Variants in GCN1 observed in about 807,000 individuals in gnomAD.
GCN1 encodes the protein stalled ribosome sensor GCN1.
A neutral mutation model predicts 288.4 loss-of-function variants in GCN1; 90 were observed. That is an observed-to-expected ratio of 0.31 (90% CI 0.26 to 0.37). The LOEUF (loss-of-function observed/expected upper bound fraction) is 0.37, where lower values mean the gene tolerates loss of function less well. Among genes scored for constraint, GCN1 ranks in the 10% least tolerant of loss-of-function variants. The probability of loss-of-function intolerance (pLI) is 1.00; values close to 1 mark genes in which losing one functional copy is unlikely to be tolerated. For missense variants in GCN1, 2,586 were observed against 3,419.9 expected, an observed-to-expected ratio of 0.76 and a Z score of 6.08; for synonymous variants, 1,386 against 1,420.2, an observed-to-expected ratio of 0.98 and a Z score of 0.54.
rs756388257 is a variant in GCN1 at position 120,142,572 on chromosome 12, T to C, written c.5764A>G (p.Ile1922Val). 1.2e-6 allele frequency: 2 copies of C among 1,613,958 alleles called. No individual in the cohort carries two copies. Among genetic ancestry groups the C allele is most frequent in the South Asian group, 2.2e-5 (2 of 91,060 alleles). The change falls in exon 44 of 58, where the codon ATC (isoleucine) becomes GTC (valine). Residue 1922 changes from isoleucine (I) to valine (V), a missense_variant. Transcript: ENST00000300648. This position sits in a 1 kb window ranked among gnomAD's most constrained non-coding sequence, Gnocchi z 4.9. The part of the protein sequence containing the change: ...VSNTPRTLRE[I>V]LPTLFGLLLG... Reference sequence around the variant, plus strand: ...AGGAGCCCAAAGAGAGTGGGTAGGATCTCACGCAAGGTGCGGGGGGTATTG... The same window carrying C: ...AGGAGCCCAAAGAGAGTGGGTAGGACCTCACGCAAGGTGCGGGGGGTATTG...
In GCN1 at chr12:120,174,165, A is replaced by T; in HGVS notation, c.1098T>A (p.Ile366=). 6.3e-7 allele frequency: 1 copy of T among 1,574,934 alleles called. No individual in the cohort carries two copies. Among genetic ancestry groups the T allele is most frequent in the Non-Finnish European group, 8.7e-7 (1 of 1,144,244 alleles). Residue 366 remains isoleucine, a synonymous_variant, in exon 13 of 58, where the codon ATT becomes ATA. Coordinates refer to ENST00000300648, the MANE Select transcript of GCN1 (RefSeq NM_006836.2). ...ACACCACGTGATGACTGACGCTCCC[A>T]ATCCCTAAAAGGCAGATTCCCTGTT... ...VAQKMSVLSG[I]GSVSHHVVSG...
chr12:120,175,683 C>T, intron 11 of GCN1, 63 bp downstream of exon 11: 1 of 1,535,912 alleles, frequency 6.5e-7, no homozygotes, highest in Middle Eastern at 1.7e-4. Context: ...CTTCAGATCC[C>T]AGTTGAGGGA....
intron 2 of GCN1, 69 bp downstream of exon 2, chr12:120,190,229 A>G (rs1464595650): frequency 2.1e-5 from 17 of 802,494 alleles, no homozygotes; most frequent in Non-Finnish European, 3.3e-5. Flanking sequence ...TGTCTCAAAA[A>G]AAAAAAAAAA....
Position 120,177,755 on chromosome 12 carries a change from A to G in GCN1, c.661-3T>C. 3.1e-6 allele frequency: 5 copies of G among 1,606,532 alleles called. No homozygotes were observed. Among genetic ancestry groups the G allele is most frequent in the African/African-American group, 1.3e-5 (1 of 74,908 alleles). ...ATGTAAAAGTCCAGTAGGGCGCTCTAGAGAACACAAAGCTCTGGTTAGATC... is the reference window on the plus strand; with the variant it reads ...ATGTAAAAGTCCAGTAGGGCGCTCTGGAGAACACAAAGCTCTGGTTAGATC... On this transcript the variant is annotated splice_polypyrimidine_tract_variant and splice_region_variant and intron_variant, in intron 7 of 57. Transcript: ENST00000300648.
chr12:120,129,527 A>G (rs753735438), intron 56 of GCN1, 33 bp from the exon 57 acceptor site: 1 of 1,497,738 alleles, frequency 6.7e-7, no homozygotes, highest in Non-Finnish European at 9.3e-7. Context: ...GCTTTTGGAT[A>G]GGCATGTCAT....
At chr12:120,146,908 A>G in intron 38 of GCN1, 144 bp downstream of exon 38, 1 of 491,186 alleles carries the variant, frequency 2.0e-6, no homozygotes. Flanking sequence ...GATTTCCACC[A>G]CAAAATGGCT....
chr12:120,147,198 C>G lies in GCN1; in HGVS notation c.4801G>C (p.Asp1601His), dbSNP rs540818691. ...KTQKCLQTLL[D>H]TKFVHFIDAP... ...TCAATGAAGTGGACAAACTTGGTGT[C>G]CAGCAGGGTCTGCAAGCACTTCTGG... Residue 1601 changes from aspartate (D) to histidine (H), a missense_variant, in exon 38 of 58, where the codon GAC becomes CAC. Asp to His is a moderately conservative substitution (Grantham distance 81, BLOSUM62 -1). Around this residue, in one of 8 missense-constraint regions of GCN1, gnomAD observed 371 missense variants for 572.6 expected, o/e 0.65. Transcript: ENST00000300648. 5.6e-6 allele frequency: 9 copies of G among 1,613,170 alleles called. No homozygotes were observed. In the East Asian group the frequency reaches 1.8e-4, roughly 32 times the overall value.
chr12:120,134,552 T>G lies in GCN1; in HGVS notation c.7183A>C (p.Met2395Leu). 1.9e-6 allele frequency: 3 copies of G among 1,613,954 alleles called. No individual in the cohort carries two copies. Among genetic ancestry groups the G allele is most frequent in the Non-Finnish European group, 2.5e-6 (3 of 1,179,852 alleles). ...FTELLNGIRA[M>L]EDPGVRDTML... is the part of the protein sequence containing the mutation. ...CCGTACCTGACACCTGGGTCCTCCA[T>G]GGCGCGGATGCCATTGAGCAGCTCT... The change falls in exon 52 of 58, where the codon ATG becomes CTG. Residue 2395 changes from methionine to leucine, a missense_variant. By Grantham distance (15) the Met-to-Leu change is conservative. Coordinates refer to ENST00000300648, the MANE Select transcript of GCN1 (RefSeq NM_006836.2). This position sits in a 1 kb window ranked among gnomAD's most constrained non-coding sequence, Gnocchi z 5.0.
chr12:120,145,419 G>C (rs1877333649), intron 38 of GCN1, 89 bp from the exon 39 acceptor site: 8 of 1,007,938 alleles, frequency 7.9e-6, no homozygotes, highest in Non-Finnish European at 9.9e-6. Flanking sequence ...TCCCCATTCT[G>C]CTGGCAAGGA....
chr12:120,141,585 A>ACTGCTCCTCC (rs1877198616), intron 44 of GCN1, among the ~76,000 whole-genome samples: 1 of 152,096 alleles, frequency 6.6e-6, no homozygotes, highest in South Asian at 2.1e-4. Flanking sequence ...CTCATGCCGC[A>ACTGCTCCTCC]CTGCTCCTCC....
chr12:120,143,641 C>T (rs1877270038), intron 42 of GCN1, among the ~76,000 whole-genome samples: 1 of 151,860 alleles, frequency 6.6e-6, no homozygotes, highest in East Asian at 1.9e-4. Flanking sequence ...TTAAATCAAC[C>T]TCCAATTTTT....
intron 26 of GCN1, 129 bp downstream of exon 26, chr12:120,157,720 G>C: frequency 2.7e-6 from 2 of 736,872 alleles, no homozygotes; most frequent in Non-Finnish European, 2.2e-6. Flanking sequence ...ACTGTGTGAG[G>C]CTGCTGTTGG....
intron 14 of GCN1, among the ~76,000 whole-genome samples, chr12:120,172,912 A>C (rs1878355319): frequency 6.6e-6 from 1 of 152,144 alleles, no homozygotes; most frequent in Non-Finnish European, 1.5e-5. Context: ...TAGCTTGGAG[A>C]CCAAGCTCCT....
chr12:120,168,488 G>A (rs1042020274), intron 15 of GCN1, 188 bp from the exon 16 acceptor site: 11 of 534,738 alleles, frequency 2.1e-5, no homozygotes, highest in African/African-American at 3.9e-5. Context: ...GAAACTCTTC[G>A]GTGGCTCTCT....
chr12:120,164,183 T>A (rs1430784459), intron 18 of GCN1, among the ~76,000 whole-genome samples, 153 bp downstream of exon 18: 1 of 152,152 alleles, frequency 6.6e-6, no homozygotes, highest in Non-Finnish European at 1.5e-5. Flanking sequence ...CTATGAAAGA[T>A]GTTACTGGAG....
At position 120,144,394 on chromosome 12, in the gene GCN1, G is replaced by T. The variant is rs200720150; in HGVS notation, c.5407C>A (p.Arg1803=). ...VRDTALRAGQ[R]VISMYAETAI... ...GTCTCAGCGTACATGGAGATAACCC[G>T]CTGGCCCGCGCGCAGGGCGGTGTCA... The change falls in exon 42 of 58, where the codon CGG becomes AGG. Residue 1803 remains arginine, a synonymous_variant. Coordinates refer to ENST00000300648, the MANE Select transcript of GCN1 (RefSeq NM_006836.2). The surrounding 1 kb of genome is among the most constrained non-coding windows in gnomAD (Gnocchi z 4.7). The T allele has an allele frequency of 6.2e-7, 1 of 1,614,144 alleles. No homozygotes were observed. Among genetic ancestry groups the T allele is most frequent in the Non-Finnish European group, 8.5e-7 (1 of 1,179,938 alleles).
intron 37 of GCN1, among the ~76,000 whole-genome samples, 184 bp downstream of exon 37, chr12:120,147,983 T>C (rs1475042347): frequency 1.3e-5 from 2 of 152,330 alleles, no homozygotes; most frequent in South Asian, 2.1e-4. Context: ...CTCAGCTTAG[T>C]GCACAGGGAT....
Position 120,137,759 on chromosome 12 carries a change from C to T in GCN1, c.6449G>A (p.Arg2150Gln), listed in dbSNP as rs755217253. ...ILSVEDDTGH[R>Q]IIIEDLLEAT... The stretch of plus-strand genomic sequence containing the variant: ...CTCCAGCAGATCCTCGATGATGATC[C>T]GGTGCCCTGTGTCATCCTCTACGGA... Residue 2150 changes from arginine (R) to glutamine (Q), a missense_variant, in exon 49 of 58, where the codon CGG becomes CAG. Transcript: ENST00000300648. This position sits in a 1 kb window ranked among gnomAD's most constrained non-coding sequence, Gnocchi z 5.2. 15 of 1,613,860 alleles carry T rather than the reference C, an allele frequency of 9.3e-6. No homozygotes were observed. Among genetic ancestry groups the T allele is most frequent in the East Asian group, 2.2e-5 (1 of 44,884 alleles).
chr12:120,138,911 A>G, intron 45 of GCN1, 55 bp from the exon 46 acceptor site: 4 of 1,511,614 alleles, frequency 2.6e-6, no homozygotes, highest in Non-Finnish European at 3.6e-6. Context: ...GAAGGAGCAG[A>G]AGCAGACAAG....
Sources: gnomAD v4.1 joint callset for allele counts (sites outside exome capture counted in the v4.1 genomes callset) on GRCh38, gnomAD v4.1.1 for gene constraint, gnomAD v4.1.1 regional missense constraint, Gnocchi (gnomAD v3.1) non-coding constraint, MANE v1.5 for transcripts, NCBI Gene and HGNC (gene_info 2026-07-23, HGNC 2026-07-21) for gene names.